The following RNF150 variants were observed in gnomAD, a reference collection of about 807,000 sequenced individuals.
RNF150 encodes ring finger protein 150.
A neutral mutation model predicts 39.3 loss-of-function variants in RNF150; 24 were observed. The observed-to-expected ratio is 0.61, with a 90% confidence interval of 0.44 to 0.86. The LOEUF is 0.86. RNF150 is among the 40% of genes least tolerant of loss of function. RNF150 has a pLI of 0.00. For missense variants in RNF150, 502 were observed against 587.8 expected, an observed-to-expected ratio of 0.85 and a Z score of 1.51; for synonymous variants, 255 against 227.3, an observed-to-expected ratio of 1.12 and a Z score of -1.10.
intron 5 of RNF150, among the ~76,000 whole-genome samples, chr4:140,917,580 C>G (rs1237900095): frequency 6.6e-6 from 1 of 152,146 alleles, no homozygotes; most frequent in Admixed American, 6.5e-5. Flanking sequence ...GACTCCCACA[C>G]AATCATAATG....
chr4:141,035,735 C>CA (rs1736115829), intron 1 of RNF150, among the ~76,000 whole-genome samples: 1 of 151,754 alleles, frequency 6.6e-6, no homozygotes, highest in African/African-American at 2.4e-5. Context: ...GCTTCACAGC[C>CA]AAAAAAGAGA....
At chr4:140,961,008 G>A (rs1733001118) in intron 2 of RNF150, among the ~76,000 whole-genome samples, 2 of 152,072 alleles carry the variant, frequency 1.3e-5, no homozygotes, top group African/African-American at 4.8e-5. Flanking sequence ...CTTGTGCAAA[G>A]TCACACCACT....
In RNF150 at chr4:140,860,668, C is replaced by T. The variant is rs1256797562; in HGVS notation, c.*7593G>A. ...GATGGAAAAAAAGCCATTGGAATTT[C>T]CTCTTGCTAGTAGGGAGGAAGATTG... On this transcript the variant is annotated 3_prime_UTR_variant, in exon 7 of 7. Transcript: ENST00000515673. The T allele has an allele frequency of 6.6e-6, 1 of 152,160 alleles. No individual in the cohort carries two copies. The highest frequency in any genetic ancestry group is 1.5e-5 in the Non-Finnish European group (1 of 68,014). The allele number at this position is 152,160 out of a possible 1,614,324, so 9.4% of individuals were successfully genotyped here.
intron 1 of RNF150, among the ~76,000 whole-genome samples, chr4:141,118,836 C>T (rs1203419443): frequency 6.6e-6 from 1 of 152,148 alleles, no homozygotes; most frequent in Non-Finnish European, 1.5e-5. Flanking sequence ...TCTCGGCTCA[C>T]TACAACCTCC....
At chr4:141,012,256 G>A (rs1267692973) in intron 1 of RNF150, among the ~76,000 whole-genome samples, 2 of 152,216 alleles carry the variant, frequency 1.3e-5, no homozygotes, top group Non-Finnish European at 2.9e-5. Context: ...TGCCCATCCT[G>A]GGCAAGCGGA....
At chr4:141,116,216 T>C (rs1037184448) in intron 1 of RNF150, among the ~76,000 whole-genome samples, 2 of 152,090 alleles carry the variant, frequency 1.3e-5, no homozygotes, top group Non-Finnish European at 2.9e-5. Context: ...ACCTACAAAA[T>C]GGGAGAAAAT....
intron 1 of RNF150, among the ~76,000 whole-genome samples, chr4:141,193,620 T>C (rs1320351868): frequency 6.6e-6 from 1 of 152,114 alleles, no homozygotes; most frequent in African/African-American, 2.4e-5. Flanking sequence ...GATTCTATCT[T>C]GTGACAAAAA....
intron 5 of RNF150, among the ~76,000 whole-genome samples, chr4:140,924,746 G>A (rs1387430278): frequency 6.6e-6 from 1 of 152,150 alleles, no homozygotes. Flanking sequence ...AATGCATTAT[G>A]CATTTATAAC....
At chr4:140,966,607 A>G (rs1249861123) in intron 2 of RNF150, among the ~76,000 whole-genome samples, 1 of 152,166 alleles carries the variant, frequency 6.6e-6, no homozygotes, top group African/African-American at 2.4e-5. Flanking sequence ...AAGATGTTCA[A>G]TGTTACTTGT....
intron 1 of RNF150, among the ~76,000 whole-genome samples, chr4:141,124,032 T>C (rs371560411): frequency 7.2e-5 from 11 of 152,202 alleles, no homozygotes; most frequent in African/African-American, 2.2e-4. Context: ...ATGGCTAATA[T>C]GGACCAAATT....
intron 1 of RNF150, among the ~76,000 whole-genome samples, chr4:141,004,741 AC>A (rs933604406): frequency 6.6e-6 from 1 of 152,164 alleles, no homozygotes; most frequent in African/African-American, 2.4e-5. Flanking sequence ...AGACATATGG[AC>A]TTCAAGGTTA....
At chr4:140,976,074 TG>T (rs1733653630) in intron 1 of RNF150, among the ~76,000 whole-genome samples, 1 of 151,994 alleles carries the variant, frequency 6.6e-6, no homozygotes, top group African/African-American at 2.4e-5. Flanking sequence ...TTGCTTTGAT[TG>T]GTTCGGCTTT....
At chr4:140,957,422 G>A (rs1466399150) in intron 2 of RNF150, among the ~76,000 whole-genome samples, 2 of 152,154 alleles carry the variant, frequency 1.3e-5, no homozygotes, top group Non-Finnish European at 2.9e-5. Flanking sequence ...AGAGGATGTG[G>A]AGAAATAGGA....
chr4:141,189,167 G>T (rs1728063836), intron 1 of RNF150, among the ~76,000 whole-genome samples: 2 of 152,272 alleles, frequency 1.3e-5, no homozygotes, highest in African/African-American at 4.8e-5. Flanking sequence ...TTTGCTGCAG[G>T]TCTGCTGGAG....
At chr4:141,006,580 T>C (rs1448454858) in intron 1 of RNF150, among the ~76,000 whole-genome samples, 1 of 152,194 alleles carries the variant, frequency 6.6e-6, no homozygotes, top group Non-Finnish European at 1.5e-5. Flanking sequence ...GACGCTTGTT[T>C]TGTTTGACAT....
chr4:141,185,267 A>G (rs1473380314), intron 1 of RNF150, among the ~76,000 whole-genome samples: 7 of 151,908 alleles, frequency 4.6e-5, no homozygotes, highest in Non-Finnish European at 1.0e-4. Context: ...TTGTATTCCT[A>G]GGTATTTTAT....
At chr4:140,952,651 TTGGCTAACAGTAAAGTTAA>T (rs1432303435) in intron 2 of RNF150, among the ~76,000 whole-genome samples, 5 of 152,208 alleles carry the variant, frequency 3.3e-5, no homozygotes, top group African/African-American at 1.2e-4. Context: ...GACAGGGATT[TTGGCTAACAGTAAAGTTAA>T]TGGCTAGGGA....
chr4:141,194,790 T>C (rs1728170528), intron 1 of RNF150, among the ~76,000 whole-genome samples: 1 of 152,090 alleles, frequency 6.6e-6, no homozygotes, highest in East Asian at 1.9e-4. Flanking sequence ...ACTTAAAAGG[T>C]AAATTGCATA....
chr4:141,091,287 G>A (rs763189949), intron 1 of RNF150, among the ~76,000 whole-genome samples: 1 of 152,184 alleles, frequency 6.6e-6, no homozygotes, highest in Non-Finnish European at 1.5e-5. Context: ...CTAAGCCCAT[G>A]CTGGACACAT....
Sources: gnomAD v4.1 joint callset for allele counts (sites outside exome capture counted in the v4.1 genomes callset) on GRCh38, gnomAD v4.1.1 for gene constraint, MANE v1.5 for transcripts, NCBI Gene and HGNC (gene_info 2026-07-23, HGNC 2026-07-21) for gene names.